Variants in ACTR3 observed in about 807,000 individuals in gnomAD.
ACTR3 encodes the protein actin-related protein 3.
A neutral mutation model predicts 56.8 loss-of-function variants in ACTR3; 12 were observed. That is an observed-to-expected ratio of 0.21 (90% CI 0.14 to 0.34). The LOEUF (loss-of-function observed/expected upper bound fraction) is 0.34. Ranked by LOEUF, ACTR3 falls within the 10% of genes least tolerant of loss-of-function variation. The pLI, the probability that ACTR3 is intolerant of heterozygous loss-of-function variation, is 1.00. For missense variants in ACTR3, 282 were observed against 512.5 expected (o/e 0.55, Z 4.34); for synonymous variants, 162 against 167.4 (o/e 0.97, Z 0.25).
chr2:113,912,702 A>G (rs1679329908), intron 1 of ACTR3, among the ~76,000 whole-genome samples: 1 of 152,200 alleles, frequency 6.6e-6, no homozygotes, highest in South Asian at 2.1e-4. Flanking sequence ...TTATACAGAT[A>G]TACCATACTT....
intron 3 of ACTR3, among the ~76,000 whole-genome samples, chr2:113,920,547 A>G (rs1559470668): frequency 6.6e-6 from 1 of 152,188 alleles, no homozygotes; most frequent in Non-Finnish European, 1.5e-5. Context: ...TAATAAATTA[A>G]CTGTAGTCAT....
chr2:113,917,698 A>G (rs1403416562), intron 3 of ACTR3, among the ~76,000 whole-genome samples: 4 of 152,314 alleles, frequency 2.6e-5, no homozygotes, highest in Admixed American at 2.0e-4. Flanking sequence ...TAATTTATTC[A>G]TTAATGAACA....
intron 10 of ACTR3, 192 bp from the exon 11 acceptor site, chr2:113,955,431 C>T (rs1368476758): frequency 1.0e-5 from 5 of 486,670 alleles, no homozygotes; most frequent in African/African-American, 1.0e-4. Flanking sequence ...TGCTCTGTTC[C>T]CTCCCTGTCT....
intron 1 of ACTR3, 145 bp downstream of exon 1, chr2:113,890,468 GCCCGCAGCCAGGGCCTCGCGGGTC>G: frequency 7.8e-7 from 1 of 1,278,738 alleles, no homozygotes; most frequent in Non-Finnish European, 1.0e-6. Context: ...GAGGGGTGGG[GCCCGCAGCCAGGGCCTCGCGGGTC>G]CCCTCGTTTC....
In ACTR3 at chr2:113,912,076, G is replaced by A. The variant is rs76710504; in HGVS notation, c.45-1096G>A. Among the ~76,000 whole-genome samples the A allele has an allele frequency of 4.9e-4, 75 of 151,806 alleles. 1 individual carries two copies. In the East Asian group the frequency reaches 0.011, roughly 23 times the overall value. On this transcript the variant is annotated intron_variant, in intron 1 of 11. Transcript: ENST00000263238. ...GTTTTAGTAGCGAGGGTGTTTCACC[G>A]TGTTGGTCAGGCTGGTCTTGAACTC...
At chr2:113,930,813 G>A (rs1179399555) in intron 4 of ACTR3, among the ~76,000 whole-genome samples, 1 of 152,184 alleles carries the variant, frequency 6.6e-6, no homozygotes, top group Non-Finnish European at 1.5e-5. Flanking sequence ...ACATTTTTCA[G>A]AAAGCTGTAC....
intron 1 of ACTR3, chr2:113,904,346 T>A: frequency 6.6e-6 from 1 of 152,206 alleles, no homozygotes; most frequent in Non-Finnish European, 1.5e-5. Flanking sequence ...TGATTGGAAG[T>A]CTTTATCTTA....
chr2:113,937,177 C>T (rs960595293), intron 6 of ACTR3, among the ~76,000 whole-genome samples: 2 of 152,174 alleles, frequency 1.3e-5, no homozygotes, highest in African/African-American at 4.8e-5. Context: ...GATCTCAGCT[C>T]GCTTCAACCT....
intron 4 of ACTR3, among the ~76,000 whole-genome samples, chr2:113,928,809 T>C (rs1316572693): frequency 6.6e-6 from 1 of 152,200 alleles, no homozygotes; most frequent in Non-Finnish European, 1.5e-5. Context: ...TAACCTAAAC[T>C]CTTACCAAGA....
In ACTR3 at chr2:113,958,713, C is replaced by T. The variant is rs941682341; in HGVS notation, c.*1258C>T. On this transcript the variant is annotated 3_prime_UTR_variant, in exon 12 of 12. Coordinates refer to ENST00000263238, the MANE Select transcript of ACTR3 (RefSeq NM_005721.5). ...CTGTAATGTGTATGGTAGAAAATTT[C>T]TTGTGACCTTAAAATTTTACCAGTT... 1 of 150,854 alleles carries T rather than the reference C, an allele frequency of 6.6e-6. No homozygotes were observed. The highest frequency in any genetic ancestry group is 6.6e-5 in the Admixed American group (1 of 15,086). 9.3% of individuals were successfully genotyped at this position (150,854 alleles called of 1,614,324 possible).
At chr2:113,951,135 C>A in intron 8 of ACTR3, 1 of 173,052 alleles carries the variant, frequency 5.8e-6, no homozygotes, top group South Asian at 1.3e-4. Context: ...CAGAGCCAGA[C>A]CATGTCACTA....
At chr2:113,928,122 C>T (rs2104606298) in intron 4 of ACTR3, among the ~76,000 whole-genome samples, 1 of 152,158 alleles carries the variant, frequency 6.6e-6, no homozygotes, top group East Asian at 1.9e-4. Context: ...CCTTTTCTCT[C>T]CCTCAACACA....
intron 8 of ACTR3, among the ~76,000 whole-genome samples, chr2:113,943,917 A>G (rs561052773): frequency 3.2e-4 from 49 of 152,178 alleles, no homozygotes; most frequent in Non-Finnish European, 5.9e-4. Context: ...AAAGGTGAAG[A>G]ATAGGGCCTT....
At chr2:113,921,761 C>T (rs1352748088) in intron 3 of ACTR3, among the ~76,000 whole-genome samples, 1 of 152,056 alleles carries the variant, frequency 6.6e-6, no homozygotes, top group Admixed American at 6.5e-5. Context: ...ACTTGTGAGA[C>T]GTCTGAGATT....
At chr2:113,939,928 G>T (rs760404018) in intron 6 of ACTR3, 31 bp from the exon 7 acceptor site, 15 of 1,552,898 alleles carry the variant, frequency 9.7e-6, no homozygotes. Flanking sequence ...AACATTGAAA[G>T]TAAATTTGGT....
intron 5 of ACTR3, among the ~76,000 whole-genome samples, chr2:113,933,547 T>C (rs751250940): frequency 1.1e-4 from 17 of 152,092 alleles, no homozygotes; most frequent in Non-Finnish European, 1.9e-4. Context: ...TTAGTAATAG[T>C]TGTTTATAGC....
At chr2:113,934,460 GTTACTT>G in intron 6 of ACTR3, 74 bp downstream of exon 6, 1 of 1,020,476 alleles carries the variant, frequency 9.8e-7, no homozygotes, top group Non-Finnish European at 1.4e-6. Context: ...ACGAATTAAT[GTTACTT>G]TTAAAAAACT....
At chr2:113,957,248 A>G in intron 11 of ACTR3, 112 bp from the exon 12 acceptor site, 1 of 702,762 alleles carries the variant, frequency 1.4e-6, no homozygotes, top group Non-Finnish European at 2.4e-6. Flanking sequence ...CTAATAATAA[A>G]CATTTTAGAC....
chr2:113,934,855 C>T (rs909500242), intron 6 of ACTR3, among the ~76,000 whole-genome samples: 1 of 151,992 alleles, frequency 6.6e-6, no homozygotes, highest in Non-Finnish European at 1.5e-5. Flanking sequence ...TCTTCCAAGG[C>T]CGTTGTGCTT....
Sources: gnomAD v4.1 joint callset for allele counts (sites outside exome capture counted in the v4.1 genomes callset) on GRCh38, gnomAD v4.1.1 for gene constraint, MANE v1.5 for transcripts, NCBI Gene and HGNC (gene_info 2026-07-23, HGNC 2026-07-21) for gene names.